Variants in EIF4G3 observed in about 807,000 individuals in gnomAD.
EIF4G3 encodes the protein eIF-4-gamma 3.
EIF4G3 carries 34 observed loss-of-function variants against 186.4 expected under a neutral mutation model. That is an observed-to-expected ratio of 0.18 (90% confidence interval 0.14 to 0.24). EIF4G3 has a LOEUF of 0.24. Ranked by LOEUF, EIF4G3 falls within the 10% of genes least tolerant of loss-of-function variation. The pLI is 1.00. For missense variants in EIF4G3, 1,536 were observed against 1,948.5 expected, an observed-to-expected ratio of 0.79 and a Z score of 3.99; for synonymous variants, 673 against 679.5, an observed-to-expected ratio of 0.99 and a Z score of 0.15.
At chr1:20,983,327 A>G (rs866631517) in intron 7 of EIF4G3, among the ~76,000 whole-genome samples, 4 of 152,304 alleles carry the variant, frequency 2.6e-5, no homozygotes, top group Middle Eastern at 3.4e-3. Context: ...CACAGGAGGC[A>G]AAGTTGGTAA....
intron 4 of EIF4G3, among the ~76,000 whole-genome samples, chr1:21,021,094 A>G (rs1317804019): frequency 6.6e-6 from 1 of 152,092 alleles, no homozygotes; most frequent in Non-Finnish European, 1.5e-5. Context: ...AGCCATCCTC[A>G]TACTTCAGCC....
chr1:21,134,486 T>C (rs1347911418), intron 2 of EIF4G3, among the ~76,000 whole-genome samples: 2 of 152,094 alleles, frequency 1.3e-5, no homozygotes, highest in African/African-American at 4.8e-5. Context: ...CTAGCCAACA[T>C]GGTGAAACCC....
At chr1:20,990,931 G>A (rs2080959719) in intron 7 of EIF4G3, among the ~76,000 whole-genome samples, 1 of 152,182 alleles carries the variant, frequency 6.6e-6, no homozygotes, top group African/African-American at 2.4e-5. Context: ...CAGCCTACTA[G>A]AAGATGAAAA....
chr1:21,156,358 A>C (rs1489081402), intron 2 of EIF4G3, among the ~76,000 whole-genome samples: 1 of 152,092 alleles, frequency 6.6e-6, no homozygotes, highest in Non-Finnish European at 1.5e-5. Flanking sequence ...ATAGACTAAT[A>C]ATCTTTGCTT....
intron 29 of EIF4G3, among the ~76,000 whole-genome samples, chr1:20,846,618 C>T (rs2071123052): frequency 6.6e-6 from 1 of 152,172 alleles, no homozygotes; most frequent in Non-Finnish European, 1.5e-5. Context: ...TGTATCTCCC[C>T]ACTGGAATGT....
chr1:21,144,673 A>C (rs1418500077), intron 2 of EIF4G3, among the ~76,000 whole-genome samples: 1 of 152,168 alleles, frequency 6.6e-6, no homozygotes, highest in African/African-American at 2.4e-5. Flanking sequence ...CTAAATAGTA[A>C]AATGGCTTTG....
chr1:21,044,813 A>C (rs1001690523), intron 4 of EIF4G3, among the ~76,000 whole-genome samples: 1 of 152,020 alleles, frequency 6.6e-6, no homozygotes, highest in African/African-American at 2.4e-5. Flanking sequence ...ACACCTAGCT[A>C]GTATTTTTTA....
At chr1:21,068,398 A>AAAAAAAAAAAAC in intron 3 of EIF4G3, among the ~76,000 whole-genome samples, 2 of 147,314 alleles carry the variant, frequency 1.4e-5, no homozygotes. Flanking sequence ...AAAAAAAAAA[A>AAAAAAAAAAAAC]AACAGAATAC....
chr1:20,852,727 G>C (rs925106008), intron 27 of EIF4G3, among the ~76,000 whole-genome samples: 2 of 152,178 alleles, frequency 1.3e-5, no homozygotes, highest in African/African-American at 4.8e-5. Flanking sequence ...AGAACCATTA[G>C]GGGACATTTA....
chr1:20,938,717 G>C (rs996033277), intron 14 of EIF4G3, among the ~76,000 whole-genome samples: 1 of 152,160 alleles, frequency 6.6e-6, no homozygotes, highest in Non-Finnish European at 1.5e-5. Flanking sequence ...AAAGACTGGA[G>C]GTAATTTTAA....
At chr1:20,888,672 C>A (rs976893633) in intron 18 of EIF4G3, among the ~76,000 whole-genome samples, 5 of 152,046 alleles carry the variant, frequency 3.3e-5, no homozygotes, top group African/African-American at 1.2e-4. Context: ...ACAATGCCAG[C>A]CCTACCTGAA....
intron 36 of EIF4G3, among the ~76,000 whole-genome samples, chr1:20,807,779 TTTGA>T (rs1466712106): frequency 1.4e-5 from 2 of 144,766 alleles, no homozygotes; most frequent in African/African-American, 5.3e-5. Flanking sequence ...TTTTTTTTTT[TTTGA>T]GAGACAATCT....
intron 11 of EIF4G3, 24 bp from the exon 12 acceptor site, chr1:20,969,620 T>C (rs1284801659): frequency 4.3e-6 from 7 of 1,610,382 alleles, no homozygotes; most frequent in South Asian, 1.1e-5. Context: ...TAAAATGACA[T>C]ATGTACAGAT....
At chr1:20,973,146 A>G (rs552565105) in intron 10 of EIF4G3, 47 bp from the exon 11 acceptor site, 1 of 1,358,850 alleles carries the variant, frequency 7.4e-7, no homozygotes, top group South Asian at 1.2e-5. Flanking sequence ...ATTTTGTCAA[A>G]CACTACAGAA....
chr1:21,056,985 T>C (rs1158653773), intron 3 of EIF4G3, among the ~76,000 whole-genome samples: 2 of 152,214 alleles, frequency 1.3e-5, no homozygotes, highest in Non-Finnish European at 2.9e-5. Context: ...CCGAGAAACA[T>C]TTTTGCTTCT....
intron 2 of EIF4G3, among the ~76,000 whole-genome samples, chr1:21,115,695 T>C (rs2096805172): frequency 6.6e-6 from 1 of 152,118 alleles, no homozygotes. Flanking sequence ...TGAGACGATT[T>C]ATTAGAATAA....
intron 2 of EIF4G3, among the ~76,000 whole-genome samples, chr1:21,168,224 T>C (rs1047996047): frequency 1.3e-5 from 2 of 151,762 alleles, no homozygotes; most frequent in African/African-American, 2.4e-5. Flanking sequence ...GCCAACATGG[T>C]GAAACCCCGT....
intron 3 of EIF4G3, among the ~76,000 whole-genome samples, chr1:21,064,351 T>C (rs898162873): frequency 1.8e-4 from 28 of 152,316 alleles, no homozygotes; most frequent in Middle Eastern, 3.4e-3. Flanking sequence ...TGAGTACTTA[T>C]GACAGTACTT....
At chr1:21,097,527 C>A (rs531226262) in intron 2 of EIF4G3, among the ~76,000 whole-genome samples, 158 of 152,108 alleles carry the variant, frequency 1.0e-3, no homozygotes, top group Admixed American at 2.0e-3. Flanking sequence ...CTTTGAAAAA[C>A]CAAAAGGAAG....
Sources: allele counts gnomAD v4.1 joint callset (sites outside exome capture counted in the v4.1 genomes callset), GRCh38; gene constraint gnomAD v4.1.1; transcripts MANE v1.5; gene names NCBI Gene and HGNC (gene_info 2026-07-23, HGNC 2026-07-21).